Variants in SLC26A9 observed in about 807,000 individuals in gnomAD.
SLC26A9 encodes the protein solute carrier family 26 member 9.
SLC26A9 carries 46 observed loss-of-function variants against 87.1 expected under a neutral mutation model. That is an observed-to-expected ratio of 0.53 (90% confidence interval 0.42 to 0.67). SLC26A9 has a LOEUF of 0.67. SLC26A9 is among the 30% of genes least tolerant of loss of function. The pLI is 0.00. For missense variants in SLC26A9, 927 were observed against 1,018.3 expected (o/e 0.91, Z 1.22); for synonymous variants, 437 against 409.1 (o/e 1.07, Z -0.82).
chr1:205,918,793 A>G lies in SLC26A9; in HGVS notation c.2256+47T>C, dbSNP rs11804268. On this transcript the variant is annotated intron_variant, in intron 19 of 20. Transcript: ENST00000367135. Reference sequence around the variant, plus strand: ...TCTAATAATGCCTCTTGGTCCTGCTATTTCAGTGCCTTGGAGCCTAGGATT... The same window carrying G: ...TCTAATAATGCCTCTTGGTCCTGCTGTTTCAGTGCCTTGGAGCCTAGGATT... The G allele has an allele frequency of 8.3e-3, 13,106 of 1,584,912 alleles. 837 individuals carry two copies. In the African/African-American group the frequency reaches 0.15, roughly 18 times the overall value.
chr1:205,926,431 G>A (rs1659070235), intron 12 of SLC26A9, 104 bp downstream of exon 12: 2 of 922,714 alleles, frequency 2.2e-6, no homozygotes, highest in African/African-American at 1.6e-5. Flanking sequence ...TAATTAGGAA[G>A]CAGCAGACTA....
At chr1:205,933,122 A>G (rs768295435) in intron 2 of SLC26A9, 38 bp from the exon 3 acceptor site, 31 of 1,613,666 alleles carry the variant, frequency 1.9e-5, no homozygotes, top group Non-Finnish European at 2.3e-5. Context: ...TCGGCTCTGC[A>G]TGGCTTGGAC....
At chr1:205,919,956 C>T (rs1032050439) in intron 18 of SLC26A9, among the ~76,000 whole-genome samples, 1 of 152,138 alleles carries the variant, frequency 6.6e-6, no homozygotes, top group African/African-American at 2.4e-5. Context: ...ACTCCATGAC[C>T]TCCTCACCCC....
intron 1 of SLC26A9, among the ~76,000 whole-genome samples, chr1:205,943,109 C>A (rs1036160136): frequency 6.6e-6 from 1 of 152,222 alleles, no homozygotes; most frequent in South Asian, 2.1e-4. Flanking sequence ...ACCACCACAC[C>A]CTCACCCTAC....
intron 7 of SLC26A9, 134 bp from the exon 8 acceptor site, chr1:205,929,043 G>T: frequency 6.9e-7 from 1 of 1,448,308 alleles, no homozygotes; most frequent in Non-Finnish European, 9.5e-7. Flanking sequence ...TATTAGAGCA[G>T]TAGAAAGAGA....
rs1027973210 is a variant in SLC26A9 at position 205,918,989 on chromosome 1, G to T, written c.2111-4C>A. 1 of 1,613,946 alleles carries T rather than the reference G, an allele frequency of 6.2e-7. No homozygotes were observed. The highest frequency in any genetic ancestry group is 8.5e-7 in the Non-Finnish European group (1 of 1,179,778). ...CTAATGTCATTGTACACCTGGGCTA[G>T]AAGGAGAAAAGATCACCTTCAGAAA... On this transcript the variant is annotated splice_region_variant and splice_polypyrimidine_tract_variant and intron_variant, in intron 18 of 20. Coordinates refer to ENST00000367135, the MANE Select transcript of SLC26A9 (RefSeq NM_052934.4).
rs764293820 is a variant in SLC26A9 at position 205,915,046 on chromosome 1, A to G, written c.*311T>C. ...GAAGTCAAGGTGTCCTTCAGCTGCC[A>G]AGGACAGGGCAGAGGTGGGTGGGGT... On this transcript the variant is annotated 3_prime_UTR_variant, in exon 21 of 21. Transcript: ENST00000367135. 9.3e-6 allele frequency: 15 copies of G among 1,614,186 alleles called. 1 individual carries two copies. In the South Asian group the frequency reaches 1.5e-4, roughly 17 times the overall value.
chr1:205,916,760 G>C (rs1401216045), intron 20 of SLC26A9, among the ~76,000 whole-genome samples: 1 of 152,164 alleles, frequency 6.6e-6, no homozygotes, highest in Admixed American at 6.5e-5. Context: ...CTAGGACTTG[G>C]TCCAGTGACT....
chr1:205,929,369 G>C lies in SLC26A9; in HGVS notation c.718-13C>G, dbSNP rs756804054. 9.3e-6 allele frequency: 15 copies of C among 1,612,844 alleles called. No homozygotes were observed. Among genetic ancestry groups the C allele is most frequent in the Non-Finnish European group, 1.1e-5 (13 of 1,179,050 alleles). On this transcript the variant is annotated splice_polypyrimidine_tract_variant and intron_variant, in intron 6 of 20. Coordinates refer to ENST00000367135, the MANE Select transcript of SLC26A9 (RefSeq NM_052934.4). ...TGTCAATGAAGGTCTGGGGGAAAGA[G>C]CATCATGCTCACAGGCTCCCACCCC... is the stretch of plus-strand genomic sequence containing the variant.
intron 5 of SLC26A9, 47 bp downstream of exon 5, chr1:205,931,813 A>G (rs931096783): frequency 6.3e-7 from 1 of 1,581,472 alleles, no homozygotes; most frequent in Non-Finnish European, 8.6e-7. Context: ...AGGGAGGGGC[A>G]GGGTGGTCTG....
intron 1 of SLC26A9, among the ~76,000 whole-genome samples, chr1:205,936,902 G>A (rs1558129852): frequency 6.6e-6 from 1 of 152,198 alleles, no homozygotes; most frequent in Non-Finnish European, 1.5e-5. Context: ...GTTGCTTAAT[G>A]CCTTTTGTGG....
At chr1:205,923,850 AGAGAAGTGGTGG>A (rs1002977872) in intron 13 of SLC26A9, among the ~76,000 whole-genome samples, 1 of 152,086 alleles carries the variant, frequency 6.6e-6, no homozygotes, top group African/African-American at 2.4e-5. Flanking sequence ...AGGGCAGGGG[AGAGAAGTGGTGG>A]GAGAAGTGGT....
At chr1:205,933,805 G>A (rs1315430631) in intron 2 of SLC26A9, among the ~76,000 whole-genome samples, 2 of 152,188 alleles carry the variant, frequency 1.3e-5, no homozygotes, top group Non-Finnish European at 2.9e-5. Flanking sequence ...GGGCAGCAGA[G>A]GAGGGAAGAA....
At chr1:205,941,516 G>T (rs753692943) in intron 1 of SLC26A9, among the ~76,000 whole-genome samples, 23 of 152,182 alleles carry the variant, frequency 1.5e-4, no homozygotes, top group African/African-American at 5.3e-4. Context: ...CTGTCCCTGT[G>T]TTTCCAGGGC....
chr1:205,942,394 G>A (rs1165049295), intron 1 of SLC26A9, among the ~76,000 whole-genome samples: 2 of 152,204 alleles, frequency 1.3e-5, no homozygotes, highest in Admixed American at 6.5e-5. Context: ...TCATCTGCAT[G>A]AGTGAAGCCA....
chr1:205,940,818 A>C (rs1191663389), intron 1 of SLC26A9, among the ~76,000 whole-genome samples: 2 of 152,094 alleles, frequency 1.3e-5, no homozygotes, highest in African/African-American at 4.8e-5. Context: ...GGGGGTGTGC[A>C]TGTGAGGGAG....
rs202136464 is a variant in SLC26A9, at chr1:205,914,862, G to A, written c.*495C>T. 1 of 1,580,528 alleles carries A rather than the reference G, an allele frequency of 6.3e-7. No individual in the cohort carries two copies. On this transcript the variant is annotated 3_prime_UTR_variant, in exon 21 of 21. Transcript: ENST00000367135. The stretch of plus-strand genomic sequence containing the variant: ...AGACAGAGTTGAGGCAGCTGGGGAA[G>A]GCAAGCCAGAGTCCTAACCAAGTTT...
intron 16 of SLC26A9, 57 bp downstream of exon 16, chr1:205,923,025 G>A (rs1658905712): frequency 2.6e-6 from 4 of 1,513,296 alleles, no homozygotes; most frequent in South Asian, 1.1e-5. Flanking sequence ...GTAACAGGGG[G>A]CAGTATCAGA....
intron 9 of SLC26A9, 47 bp from the exon 10 acceptor site, chr1:205,927,652 A>G: frequency 6.4e-7 from 1 of 1,563,024 alleles, no homozygotes; most frequent in Non-Finnish European, 8.7e-7. Flanking sequence ...GCTGGGGGGC[A>G]CGGGGACCAA....
Sources: gnomAD v4.1 joint callset for allele counts (sites outside exome capture counted in the v4.1 genomes callset) on GRCh38, gnomAD v4.1.1 for gene constraint, MANE v1.5 for transcripts, NCBI Gene and HGNC (gene_info 2026-07-23, HGNC 2026-07-21) for gene names.